The following C12orf42 variants were observed in gnomAD, a reference collection of about 807,000 sequenced individuals.
The protein encoded by C12orf42 is uncharacterized protein C12orf42.
In C12orf42, 25 loss-of-function variants were observed where a neutral mutation model predicts 21.6. That is an observed-to-expected ratio of 1.16 (90% confidence interval 0.84 to 1.62). The LOEUF (loss-of-function observed/expected upper bound fraction) is 1.62. C12orf42 is among the 40% of genes most tolerant of loss of function. The pLI is 0.00. For missense variants in C12orf42, 483 were observed against 459.3 expected, an observed-to-expected ratio of 1.05 and a Z score of -0.47; for synonymous variants, 174 against 175.0, an observed-to-expected ratio of 0.99 and a Z score of 0.05.
intron 2 of C12orf42, among the ~76,000 whole-genome samples, chr12:103,437,567 G>A: frequency 6.6e-6 from 1 of 151,990 alleles, no homozygotes; most frequent in East Asian, 1.9e-4. Context: ...AAATGATAAA[G>A]GGGATATCAC....
chr12:103,381,707 G>A (rs2046193723), intron 3 of C12orf42, among the ~76,000 whole-genome samples: 1 of 152,132 alleles, frequency 6.6e-6, no homozygotes, highest in African/African-American at 2.4e-5. Context: ...CATGAGGTCA[G>A]GAGATCGAGA....
At chr12:103,294,512 AAAGG>A (rs2037074292) in intron 4 of C12orf42, among the ~76,000 whole-genome samples, 2 of 150,124 alleles carry the variant, frequency 1.3e-5, no homozygotes, top group African/African-American at 4.9e-5. Flanking sequence ...AAAGAAAAAG[AAAGG>A]AAGAAGAAAG....
At chr12:103,324,628 T>C (rs571793103) in intron 4 of C12orf42, among the ~76,000 whole-genome samples, 1 of 152,230 alleles carries the variant, frequency 6.6e-6, no homozygotes, top group Non-Finnish European at 1.5e-5. Flanking sequence ...GTCTCATCCT[T>C]ACTTCAGAGT....
the C12orf42 span, among the ~76,000 whole-genome samples, chr12:103,507,499 A>G: frequency 7.1e-6 from 1 of 141,794 alleles, no homozygotes; most frequent in Admixed American, 7.3e-5. Context: ...GTGATACCCC[A>G]TCTTCAAAAA....
intron 1 of C12orf42, among the ~76,000 whole-genome samples, chr12:103,480,694 T>C (rs1383964103): frequency 2.0e-5 from 3 of 151,746 alleles, no homozygotes. Flanking sequence ...TTTAAATGTA[T>C]GCTATTTCCC....
the C12orf42 span, among the ~76,000 whole-genome samples, chr12:103,098,906 G>A: frequency 5.3e-5 from 8 of 152,172 alleles, no homozygotes; most frequent in Non-Finnish European, 7.4e-5. Flanking sequence ...GCAAAGACTG[G>A]AGTTGTAAGC....
the C12orf42 span, among the ~76,000 whole-genome samples, chr12:103,059,737 A>T: frequency 1.4e-3 from 214 of 152,342 alleles, 2 homozygotes; most frequent in Middle Eastern, 3.4e-3. Context: ...AATGTCAAGG[A>T]TTATCTCAGT....
the C12orf42 span, among the ~76,000 whole-genome samples, chr12:103,216,089 A>G: frequency 6.6e-6 from 1 of 152,106 alleles, no homozygotes. Flanking sequence ...ATTCAGAGAG[A>G]AGTTTGGACT....
At chr12:103,368,574 G>T (rs932957793) in intron 4 of C12orf42, among the ~76,000 whole-genome samples, 1 of 151,970 alleles carries the variant, frequency 6.6e-6, no homozygotes, top group East Asian at 1.9e-4. Flanking sequence ...TCTAAGAATC[G>T]AATATGCCTA....
At chr12:103,305,924 A>C in intron 5 of C12orf42, 50 bp downstream of exon 5, 1 of 1,546,596 alleles carries the variant, frequency 6.5e-7, no homozygotes, top group Non-Finnish European at 8.7e-7. Context: ...TAAAAACAAA[A>C]TGTGACCAGT....
At chr12:103,111,146 C>T in the C12orf42 span, among the ~76,000 whole-genome samples, 21 of 151,574 alleles carry the variant, frequency 1.4e-4, no homozygotes, top group South Asian at 3.8e-3. Flanking sequence ...TTGTGATTTC[C>T]CTTTAAACCA....
chr12:103,201,576 A>G, the C12orf42 span, among the ~76,000 whole-genome samples: 322 of 152,284 alleles, frequency 2.1e-3, no homozygotes, highest in African/African-American at 7.2e-3. Flanking sequence ...AATTTGCTTC[A>G]AATGCTGAAT....
intron 2 of C12orf42, among the ~76,000 whole-genome samples, chr12:103,477,500 C>T (rs1465597840): frequency 6.6e-6 from 1 of 151,838 alleles, no homozygotes; most frequent in Non-Finnish European, 1.5e-5. Context: ...GCAAAAGGAA[C>T]GTTGCAAATG....
intron 3 of C12orf42, among the ~76,000 whole-genome samples, chr12:103,393,870 T>A (rs2047285945): frequency 6.6e-6 from 1 of 152,212 alleles, no homozygotes; most frequent in African/African-American, 2.4e-5. Flanking sequence ...AGCAACTCTT[T>A]CTAGCTTTAT....
At chr12:103,159,164 AT>A in the C12orf42 span, among the ~76,000 whole-genome samples, 1 of 152,128 alleles carries the variant, frequency 6.6e-6, no homozygotes, top group Admixed American at 6.5e-5. Context: ...TCTTCCATTG[AT>A]TTTTTTAAAG....
chr12:103,524,630 A>G, the C12orf42 span, among the ~76,000 whole-genome samples: 1 of 152,208 alleles, frequency 6.6e-6, no homozygotes. Flanking sequence ...GTTATTTGAA[A>G]TGTGTAATCC....
the C12orf42 span, among the ~76,000 whole-genome samples, chr12:103,506,880 TA>T: frequency 7.0e-5 from 4 of 57,398 alleles, no homozygotes; most frequent in Non-Finnish European, 1.2e-4. Context: ...ATTTATATAT[TA>T]TATATTAAAT....
chr12:103,121,171 ATGT>A, the C12orf42 span, among the ~76,000 whole-genome samples: 2 of 152,232 alleles, frequency 1.3e-5, no homozygotes, highest in Admixed American at 6.5e-5. Flanking sequence ...ATAATGGACG[ATGT>A]TGTTTTTTAT....
At chr12:103,387,707 T>G (rs1309759475) in intron 3 of C12orf42, among the ~76,000 whole-genome samples, 1 of 152,228 alleles carries the variant, frequency 6.6e-6, no homozygotes, top group Non-Finnish European at 1.5e-5. Context: ...GCTCTAATAC[T>G]GGAAACTATC....
Sources: allele counts gnomAD v4.1 joint callset (sites outside exome capture counted in the v4.1 genomes callset), GRCh38; gene constraint gnomAD v4.1.1; transcripts MANE v1.5; gene names NCBI Gene and HGNC (gene_info 2026-07-23, HGNC 2026-07-21).